EBF1: variants seen among roughly 807,000 people sequenced by gnomAD.
EBF1 encodes EBF transcription factor 1.
EBF1 carries 10 observed loss-of-function variants against 68.4 expected under a neutral mutation model. The observed-to-expected ratio is 0.15, with a 90% CI of 0.09 to 0.25. The LOEUF is 0.25. EBF1 is among the 10% of genes least tolerant of loss of function. The pLI, the probability that EBF1 is intolerant of heterozygous loss-of-function variation, is 1.00. For synonymous variants in EBF1, 298 were observed against 299.8 expected (o/e 0.99, Z 0.06); for missense variants, 509 against 794.4 (o/e 0.64, Z 4.32).
chr5:158,887,717 C>T (rs1289393238), intron 6 of EBF1, among the ~76,000 whole-genome samples: 2 of 152,192 alleles, frequency 1.3e-5, no homozygotes, highest in Non-Finnish European at 2.9e-5. Context: ...TTTTATACTC[C>T]TCTATTTATT....
At chr5:158,727,923 G>T (rs1410620806) in intron 11 of EBF1, among the ~76,000 whole-genome samples, 1 of 152,152 alleles carries the variant, frequency 6.6e-6, no homozygotes, top group Non-Finnish European at 1.5e-5. Context: ...AGAATGTGTG[G>T]GTGGTTGTAT....
chr5:158,940,138 C>T (rs1028450992), intron 6 of EBF1, among the ~76,000 whole-genome samples: 2 of 152,182 alleles, frequency 1.3e-5, no homozygotes, highest in Non-Finnish European at 2.9e-5. Context: ...AGCAGAATCA[C>T]CAGCTGCAGC....
intron 6 of EBF1, among the ~76,000 whole-genome samples, chr5:158,874,187 T>C (rs1050803650): frequency 6.6e-6 from 1 of 152,204 alleles, no homozygotes; most frequent in Non-Finnish European, 1.5e-5. Context: ...TGGATACTGA[T>C]AATGAAATAC....
chr5:158,736,279 T>A (rs1765161800), intron 10 of EBF1, among the ~76,000 whole-genome samples: 1 of 152,230 alleles, frequency 6.6e-6, no homozygotes, highest in Non-Finnish European at 1.5e-5. Context: ...ACTTCTTGAA[T>A]ACTTATTCCT....
chr5:159,023,263 C>T (rs1244493226), intron 6 of EBF1, among the ~76,000 whole-genome samples: 3 of 151,240 alleles, frequency 2.0e-5, no homozygotes, highest in African/African-American at 7.3e-5. Flanking sequence ...AATCAAGAGG[C>T]TGTATCAGAT....
At chr5:158,927,987 C>T (rs1040152741) in intron 6 of EBF1, among the ~76,000 whole-genome samples, 3 of 152,220 alleles carry the variant, frequency 2.0e-5, no homozygotes, top group African/African-American at 7.2e-5. Context: ...ACCTATTTCT[C>T]ACAACACCAC....
intron 3 of EBF1, 45 bp downstream of exon 3, chr5:159,096,298 A>G: frequency 6.3e-6 from 10 of 1,594,624 alleles, no homozygotes; most frequent in Non-Finnish European, 8.6e-6. Context: ...CCCTGCCCAG[A>G]CCCGGAGCCC....
chr5:158,881,599 C>T (rs1798919396), intron 6 of EBF1, among the ~76,000 whole-genome samples: 1 of 152,172 alleles, frequency 6.6e-6, no homozygotes, highest in African/African-American at 2.4e-5. Flanking sequence ...CAGACATTCA[C>T]CAGATTCTAT....
At chr5:158,741,507 C>G (rs1766406132) in intron 10 of EBF1, among the ~76,000 whole-genome samples, 1 of 151,320 alleles carries the variant, frequency 6.6e-6, no homozygotes, top group Non-Finnish European at 1.5e-5. Flanking sequence ...CTGGGGAGTT[C>G]CAAGCCACAG....
chr5:158,757,274 C>T (rs1770334380), intron 10 of EBF1, among the ~76,000 whole-genome samples: 1 of 152,108 alleles, frequency 6.6e-6, no homozygotes, highest in Non-Finnish European at 1.5e-5. Context: ...TACAATACCA[C>T]CCTGTTTCCC....
chr5:158,994,645 C>T (rs1296745274), intron 6 of EBF1, among the ~76,000 whole-genome samples: 2 of 152,148 alleles, frequency 1.3e-5, no homozygotes, highest in African/African-American at 4.8e-5. Flanking sequence ...AGTCTCATAA[C>T]GAGAGTGACT....
chr5:158,712,433 C>T, intron 13 of EBF1, 100 bp from the exon 14 acceptor site: 1 of 1,368,690 alleles, frequency 7.3e-7, no homozygotes. Context: ...GGCCCCGTCG[C>T]CGCAACCCAG....
chr5:158,768,661 A>G (rs1773261364), intron 10 of EBF1, among the ~76,000 whole-genome samples: 1 of 152,166 alleles, frequency 6.6e-6, no homozygotes, highest in Admixed American at 6.6e-5. Context: ...TAACTTTAAC[A>G]ATGAACAGGA....
intron 6 of EBF1, among the ~76,000 whole-genome samples, chr5:159,008,139 T>C (rs998809389): frequency 2.6e-5 from 4 of 152,208 alleles, no homozygotes; most frequent in East Asian, 3.8e-4. Flanking sequence ...AGATTATTTC[T>C]ATTGAAACAA....
rs114318530 is a variant in EBF1, at chr5:159,002,379, T to A, written c.554+71017A>T. On this transcript the variant is annotated intron_variant, in intron 6 of 15. Transcript: ENST00000313708. ...GTGCTATAAACAGCCATGCCCTCAC[T>A]GAAAAAGGCAATATGCCGTTAGCCT... Among the ~76,000 whole-genome samples, 553 of 152,318 alleles carry A rather than the reference T, an allele frequency of 3.6e-3. 3 individuals are homozygous for A. The highest frequency in any genetic ancestry group is 0.012 in the African/African-American group (506 of 41,576).
chr5:158,790,520 C>T (rs1241055245), intron 9 of EBF1, among the ~76,000 whole-genome samples: 2 of 152,060 alleles, frequency 1.3e-5, no homozygotes, highest in Non-Finnish European at 2.9e-5. Context: ...AAGAGTTCTG[C>T]CTTCACAAAA....
At chr5:159,082,302 T>C (rs1365996645) in intron 5 of EBF1, among the ~76,000 whole-genome samples, 1 of 152,174 alleles carries the variant, frequency 6.6e-6, no homozygotes, top group Non-Finnish European at 1.5e-5. Context: ...TAGAAAGCAC[T>C]GCAGAAAGTT....
intron 6 of EBF1, among the ~76,000 whole-genome samples, chr5:158,979,051 A>T (rs148685381): frequency 6.6e-6 from 1 of 152,348 alleles, no homozygotes; most frequent in African/African-American, 2.4e-5. Context: ...AGCCAAAAAG[A>T]TAAGAGAAAT....
intron 6 of EBF1, among the ~76,000 whole-genome samples, chr5:158,920,896 T>C (rs1047688105): frequency 2.0e-5 from 3 of 152,236 alleles, no homozygotes; most frequent in Non-Finnish European, 4.4e-5. Context: ...GCCATGAATA[T>C]GGAAGTCCCT....
Sources: allele counts gnomAD v4.1 joint callset (sites outside exome capture counted in the v4.1 genomes callset), GRCh38; gene constraint gnomAD v4.1.1; transcripts MANE v1.5; gene names NCBI Gene and HGNC (gene_info 2026-07-23, HGNC 2026-07-21).